MBD5: variants seen among roughly 807,000 people sequenced by gnomAD.
The protein encoded by MBD5 is methyl-CpG binding domain protein 5, also known as methyl-CpG-binding domain protein 5.
MBD5 carries 13 observed loss-of-function variants against 117.3 expected under a neutral mutation model. The ratio of observed to expected loss-of-function variants is 0.11; its 90% CI spans 0.07 to 0.18. MBD5 has a LOEUF of 0.18. Among genes scored for constraint, MBD5 ranks in the 10% least tolerant of loss-of-function variants. The probability of loss-of-function intolerance (pLI) is 1.00; values close to 1 mark genes in which losing one functional copy is unlikely to be tolerated. For synonymous variants in MBD5, 727 were observed against 766.4 expected, an observed-to-expected ratio of 0.95 and a Z score of 0.85; for missense variants, 1,879 against 2,093.8, an observed-to-expected ratio of 0.90 and a Z score of 2.00.
chr2:148,474,544 A>G (rs1223624430), intron 8 of MBD5, among the ~76,000 whole-genome samples: 1 of 152,190 alleles, frequency 6.6e-6, no homozygotes, highest in Non-Finnish European at 1.5e-5. Flanking sequence ...AAAAAAACCA[A>G]AACATTTAAT....
chr2:148,072,478 A>C (rs1695386132), intron 1 of MBD5, among the ~76,000 whole-genome samples: 1 of 152,206 alleles, frequency 6.6e-6, no homozygotes, highest in Admixed American at 6.5e-5. Context: ...TATATAGTGT[A>C]AACAAAAGTA....
chr2:148,393,156 G>A (rs1704612899), intron 4 of MBD5: 1 of 152,108 alleles, frequency 6.6e-6, no homozygotes. Flanking sequence ...AAATTATTCA[G>A]TTCTCACTCC....
intron 1 of MBD5, among the ~76,000 whole-genome samples, chr2:148,156,265 C>G (rs1697871356): frequency 6.6e-6 from 1 of 152,216 alleles, no homozygotes; most frequent in Non-Finnish European, 1.5e-5. Flanking sequence ...AACATAGCAC[C>G]TGAGGTGCTT....
At chr2:148,371,216 C>G (rs1703843190) in intron 4 of MBD5, among the ~76,000 whole-genome samples, 1 of 151,782 alleles carries the variant, frequency 6.6e-6, no homozygotes, top group South Asian at 2.1e-4. Context: ...ATACTCTTGC[C>G]CTTTTAATGA....
At position 148,392,800 on chromosome 2, in the gene MBD5, G is replaced by C. The variant is rs190108695; in HGVS notation, c.-557+50464G>C. On this transcript the variant is annotated intron_variant, in intron 4 of 13. Coordinates refer to ENST00000642680, the MANE Select transcript of MBD5 (RefSeq NM_001378120.1). ...GCCTTCATCAGGCCTGGGGTATAGA[G>C]AGCATTCATAAAATCGGACCCATTC... 7.7e-4 allele frequency among the ~76,000 whole-genome samples: 117 copies of C among 152,248 alleles called. 1 individual carries two copies. The highest frequency in any genetic ancestry group is 3.7e-3 in the Admixed American group (56 of 15,292).
At chr2:148,182,994 T>C (rs1191736350) in intron 2 of MBD5, among the ~76,000 whole-genome samples, 2 of 152,206 alleles carry the variant, frequency 1.3e-5, no homozygotes, top group African/African-American at 4.8e-5. Context: ...ATACCTAAAT[T>C]AATCCTGCAC....
chr2:148,129,249 C>T (rs1440377869), intron 1 of MBD5, among the ~76,000 whole-genome samples: 1 of 152,064 alleles, frequency 6.6e-6, no homozygotes, highest in African/African-American at 2.4e-5. Flanking sequence ...AATCTCAAAA[C>T]TTTGGGAGGC....
At chr2:148,115,275 A>G (rs540764183) in intron 1 of MBD5, among the ~76,000 whole-genome samples, 1 of 152,306 alleles carries the variant, frequency 6.6e-6, no homozygotes, top group East Asian at 1.9e-4. Flanking sequence ...CAAAATAAAT[A>G]TTTCTGCAAT....
At chr2:148,373,113 G>A (rs1703900842) in intron 4 of MBD5, among the ~76,000 whole-genome samples, 1 of 152,012 alleles carries the variant, frequency 6.6e-6, no homozygotes, top group African/African-American at 2.4e-5. Flanking sequence ...TTTAACTTCG[G>A]TGAATAAACA....
chr2:148,468,670 C>A lies in MBD5; in HGVS notation c.727C>A (p.Pro243Thr). 1.9e-6 allele frequency: 3 copies of A among 1,613,736 alleles called. No individual in the cohort carries two copies. Among genetic ancestry groups the A allele is most frequent in the Non-Finnish European group, 2.5e-6 (3 of 1,179,794 alleles). ...GDGSISPRTD[P>T]LGSPDVFTRS... ...TGGTTCAATCTCTCCAAGGACTGAC[C>A]CACTTGGAAGTCCTGATGTTTTCAC... Residue 243 changes from proline (P) to threonine (T), a missense_variant, in exon 8 of 14, where the codon CCA (proline) becomes ACA (threonine). This residue lies in a region of MBD5 where 1,666 missense variants were observed against 1,792.2 expected (regional missense o/e 0.93). Coordinates refer to ENST00000642680, the MANE Select transcript of MBD5 (RefSeq NM_001378120.1).
chr2:148,437,907 T>C (rs1322304751), intron 4 of MBD5, among the ~76,000 whole-genome samples: 2 of 152,184 alleles, frequency 1.3e-5, no homozygotes, highest in Non-Finnish European at 2.9e-5. Flanking sequence ...CCACCACATA[T>C]GCCCAAAGAA....
rs531355673 is a variant in MBD5 at position 148,165,055 on chromosome 2, G to C, written c.-924-13645G>C. Among the ~76,000 whole-genome samples, 6 of 152,076 alleles carry C rather than the reference G, an allele frequency of 3.9e-5. No homozygotes were observed. The South Asian group carries it at 1.2e-3, about 32-fold the overall frequency. ...TGTTCTCAGTTATAACTTTCCTCTT[G>C]TTACATATTCTTTATCATCAAAGAA... On this transcript the variant is annotated intron_variant, in intron 1 of 13. Coordinates refer to ENST00000642680, the MANE Select transcript of MBD5 (RefSeq NM_001378120.1).
intron 2 of MBD5, among the ~76,000 whole-genome samples, chr2:148,231,040 C>T (rs1450108449): frequency 6.6e-6 from 1 of 152,092 alleles, no homozygotes; most frequent in Non-Finnish European, 1.5e-5. Context: ...ACTCCCTTCC[C>T]CACCCTGGCT....
chr2:148,026,365 C>T (rs940392727), intron 1 of MBD5: 2 of 151,724 alleles, frequency 1.3e-5, no homozygotes, highest in African/African-American at 4.8e-5. Flanking sequence ...TTTACAAGTA[C>T]AGAAAAACAA....
At chr2:148,072,024 C>G (rs1381250601) in intron 1 of MBD5, 1 of 152,112 alleles carries the variant, frequency 6.6e-6, no homozygotes, top group Non-Finnish European at 1.5e-5. Context: ...TTTTCATCCT[C>G]TAGAGGAAAT....
At chr2:148,132,331 C>CAT (rs59188623) in intron 1 of MBD5, among the ~76,000 whole-genome samples, 181 of 144,614 alleles carry the variant, frequency 1.3e-3, no homozygotes, top group East Asian at 8.0e-3. Context: ...TATATATATA[C>CAT]ATATATATAT....
At chr2:148,357,767 TAAAAC>T (rs1272846411) in intron 4 of MBD5, among the ~76,000 whole-genome samples, 3 of 152,186 alleles carry the variant, frequency 2.0e-5, no homozygotes, top group African/African-American at 7.2e-5. Flanking sequence ...TCTCAACTCT[TAAAAC>T]AAAAATTCAT....
intron 1 of MBD5, among the ~76,000 whole-genome samples, chr2:148,136,918 A>G (rs1228910135): frequency 6.6e-6 from 1 of 151,996 alleles, no homozygotes; most frequent in African/African-American, 2.4e-5. Flanking sequence ...ATGTACCACC[A>G]TGTCTGGCTA....
intron 3 of MBD5, among the ~76,000 whole-genome samples, chr2:148,319,994 TG>T (rs1490681769): frequency 1.3e-5 from 2 of 152,226 alleles, no homozygotes; most frequent in Non-Finnish European, 2.9e-5. Flanking sequence ...ATGCCTTTTC[TG>T]CATCTATTAA....
Sources: gnomAD v4.1 joint callset for allele counts (sites outside exome capture counted in the v4.1 genomes callset) on GRCh38, gnomAD v4.1.1 for gene constraint, gnomAD v4.1.1 regional missense constraint, MANE v1.5 for transcripts, NCBI Gene and HGNC (gene_info 2026-07-23, HGNC 2026-07-21) for gene names.